The following BLVRA variants were observed in gnomAD, a reference collection of about 807,000 sequenced individuals.
BLVRA encodes biliverdin reductase A.
BLVRA carries 22 observed loss-of-function variants against 32.8 expected under a neutral mutation model. That is an observed-to-expected ratio of 0.67 (90% CI 0.48 to 0.96). The LOEUF (loss-of-function observed/expected upper bound fraction) is 0.96. Among genes scored for constraint, BLVRA ranks in the 40% least tolerant of loss-of-function variants. The pLI, the probability that BLVRA is intolerant of heterozygous loss-of-function variation, is 0.00. For synonymous variants in BLVRA, 119 were observed against 141.3 expected (o/e 0.84, Z 1.12); for missense variants, 323 against 358.1 (o/e 0.90, Z 0.79).
chr7:43,792,920 G>A, intron 5 of BLVRA, 108 bp downstream of exon 5: 1 of 1,073,156 alleles, frequency 9.3e-7, no homozygotes, highest in Non-Finnish European at 1.4e-6. Context: ...GGCTACACTG[G>A]CACTGTGGGC....
At chr7:43,768,088 G>A (rs1220739498) in intron 1 of BLVRA, among the ~76,000 whole-genome samples, 1 of 152,172 alleles carries the variant, frequency 6.6e-6, no homozygotes, top group East Asian at 1.9e-4. Context: ...ACACACTCTG[G>A]CAAACATTTT....
chr7:43,791,264 C>T lies in BLVRA; in HGVS notation c.150C>T (p.Ser50=), dbSNP rs1423202534. The change falls in exon 4 of 8, where the codon AGC becomes AGT. Residue 50 remains serine (S), a synonymous_variant. Transcript: ENST00000265523. The stretch of plus-strand genomic sequence containing the variant: ...TCTGAAATAGAAGGGAGCTCGGGAG[C>T]ATTGATGGAGTCCAGCAGATTTCTT... ...IGFVSRRELG[S]IDGVQQISLE... 2 of 1,614,162 alleles carry T rather than the reference C, an allele frequency of 1.2e-6. No homozygotes were observed. The highest frequency in any genetic ancestry group is 2.2e-5 in the East Asian group (1 of 44,880).
chr7:43,767,444 T>C, intron 1 of BLVRA: 1 of 1,549,010 alleles, frequency 6.5e-7, no homozygotes, highest in Non-Finnish European at 8.9e-7. Flanking sequence ...AACTAAATCT[T>C]ATATATCTGG....
intron 1 of BLVRA, among the ~76,000 whole-genome samples, chr7:43,762,327 C>G (rs1405026671): frequency 1.3e-5 from 2 of 151,822 alleles, no homozygotes; most frequent in Admixed American, 1.3e-4. Flanking sequence ...CCCTTTTCCC[C>G]CCGAGTACAA....
intron 1 of BLVRA, among the ~76,000 whole-genome samples, chr7:43,765,765 C>A (rs573809248): frequency 1.3e-5 from 2 of 152,098 alleles, no homozygotes; most frequent in East Asian, 3.9e-4. Flanking sequence ...ATCATGTAAA[C>A]AGTATGTTAT....
At chr7:43,780,127 C>G (rs1170111879) in intron 2 of BLVRA, among the ~76,000 whole-genome samples, 1 of 152,156 alleles carries the variant, frequency 6.6e-6, no homozygotes, top group African/African-American at 2.4e-5. Flanking sequence ...CCACCTCGGC[C>G]TCCCAAAGTG....
intron 2 of BLVRA, among the ~76,000 whole-genome samples, chr7:43,776,929 T>C (rs1585719939): frequency 6.6e-6 from 1 of 152,338 alleles, no homozygotes; most frequent in East Asian, 1.9e-4. Context: ...TCTTTGTTGG[T>C]TTAAATTCTG....
intron 1 of BLVRA, among the ~76,000 whole-genome samples, chr7:43,763,108 T>C (rs1431127499): frequency 6.6e-6 from 1 of 151,652 alleles, no homozygotes; most frequent in Non-Finnish European, 1.5e-5. Flanking sequence ...TATAGAAGAG[T>C]GGGCAGGATT....
rs1033178308 is a variant in BLVRA, at chr7:43,787,435, A to G, written c.13-469A>G. 1.3e-5 allele frequency among the ~76,000 whole-genome samples: 2 copies of G among 152,164 alleles called. No homozygotes were observed. Among genetic ancestry groups the G allele is most frequent in the Non-Finnish European group, 2.9e-5 (2 of 68,026 alleles). ...CCCACGCTGAGTAAGGTGACCAATC[A>G]TGGTTTGCCCATTTGCCTCCTCTGC... On this transcript the variant is annotated intron_variant, in intron 2 of 7. Transcript: ENST00000265523. The surrounding 1 kb of genome is among the most constrained non-coding windows in gnomAD (Gnocchi z 4.5).
intron 1 of BLVRA, among the ~76,000 whole-genome samples, chr7:43,759,272 C>T (rs1346979995): frequency 2.6e-5 from 4 of 152,240 alleles, no homozygotes; most frequent in Admixed American, 1.3e-4. Flanking sequence ...TCACTTATTT[C>T]GTAGACGGTG....
chr7:43,797,016 C>T (rs2095793545), intron 5 of BLVRA, among the ~76,000 whole-genome samples: 1 of 152,356 alleles, frequency 6.6e-6, no homozygotes, highest in African/African-American at 2.4e-5. Context: ...TCAGTAACCA[C>T]CAGCATCAGT....
chr7:43,769,534 A>G (rs1020349828), intron 1 of BLVRA, among the ~76,000 whole-genome samples: 1 of 152,040 alleles, frequency 6.6e-6, no homozygotes, highest in African/African-American at 2.4e-5. Context: ...TTGGGTCATG[A>G]GACCCACTCT....
At chr7:43,796,326 C>T (rs1400488021) in intron 5 of BLVRA, among the ~76,000 whole-genome samples, 1 of 152,078 alleles carries the variant, frequency 6.6e-6, no homozygotes, top group Non-Finnish European at 1.5e-5. Flanking sequence ...ATATAACCTA[C>T]TAAGACTGAA....
intron 1 of BLVRA, among the ~76,000 whole-genome samples, chr7:43,761,468 A>G (rs1312697337): frequency 6.6e-6 from 1 of 152,188 alleles, no homozygotes; most frequent in Non-Finnish European, 1.5e-5. Flanking sequence ...GCAGGCCTAT[A>G]TTTTTGTAGT....
At chr7:43,789,876 C>CGTGTGTGTGT (rs141385505) in intron 3 of BLVRA, among the ~76,000 whole-genome samples, 13 of 149,022 alleles carry the variant, frequency 8.7e-5, no homozygotes, top group Admixed American at 2.7e-4. Flanking sequence ...GTGGTATGTA[C>CGTGTGTGTGT]GTGTGTGTGT....
chr7:43,804,336 C>CA (rs2095801931), intron 7 of BLVRA, among the ~76,000 whole-genome samples: 1 of 152,080 alleles, frequency 6.6e-6, no homozygotes, highest in Non-Finnish European at 1.5e-5. Flanking sequence ...AGCTCCTTGG[C>CA]AGGCTGAGGC....
intron 7 of BLVRA, 85 bp from the exon 8 acceptor site, chr7:43,806,892 T>C (rs2095804546): frequency 6.6e-7 from 1 of 1,521,088 alleles, no homozygotes; most frequent in Non-Finnish European, 9.1e-7. Flanking sequence ...CAAGGACATG[T>C]TACCAGGCGG....
At chr7:43,793,918 G>A (rs559026502) in intron 5 of BLVRA, among the ~76,000 whole-genome samples, 3 of 149,426 alleles carry the variant, frequency 2.0e-5, no homozygotes, top group Admixed American at 6.8e-5. Flanking sequence ...GACCGTGCCC[G>A]GCATACAAAA....
chr7:43,764,845 G>C (rs1163617448), intron 1 of BLVRA, among the ~76,000 whole-genome samples: 1 of 151,324 alleles, frequency 6.6e-6, no homozygotes, highest in Non-Finnish European at 1.5e-5. Flanking sequence ...GGTCATCTAA[G>C]TTCATCTGCC....
Sources: gnomAD v4.1 joint callset for allele counts (sites outside exome capture counted in the v4.1 genomes callset) on GRCh38, gnomAD v4.1.1 for gene constraint, Gnocchi (gnomAD v3.1) non-coding constraint, MANE v1.5 for transcripts, NCBI Gene and HGNC (gene_info 2026-07-23, HGNC 2026-07-21) for gene names.